CARD8: variants seen among roughly 807,000 people sequenced by gnomAD.
The protein encoded by CARD8 is caspase recruitment domain family member 8.
In CARD8, 38 loss-of-function variants were observed where a neutral mutation model predicts 53.2. The ratio of observed to expected loss-of-function variants is 0.71; its 90% CI spans 0.55 to 0.94. CARD8 has a LOEUF of 0.94. Ranked by LOEUF, CARD8 falls within the 40% of genes least tolerant of loss-of-function variation. The pLI, the probability that CARD8 is intolerant of heterozygous loss-of-function variation, is 0.00. For missense variants in CARD8, 561 were observed against 655.5 expected, an observed-to-expected ratio of 0.86 and a Z score of 1.57; for synonymous variants, 245 against 244.9, an observed-to-expected ratio of 1.00 and a Z score of 0.00.
In CARD8 at chr19:48,232,440, A is replaced by C. The variant is rs1174369927; in HGVS notation, c.391+13T>G. 1.3e-6 allele frequency: 2 copies of C among 1,534,040 alleles called. No homozygotes were observed. The highest frequency in any genetic ancestry group is 1.2e-5 in the South Asian group (1 of 84,038). On this transcript the variant is annotated intron_variant, in intron 7 of 13. Coordinates refer to ENST00000651546, the MANE Select transcript of CARD8 (RefSeq NM_001184900.3). Reference sequence around the variant, plus strand: ...CCACACGCCCTTCACTCCTCTCCCTATTAGCCCATTACCTGAATCTTGTCC... The same window carrying C: ...CCACACGCCCTTCACTCCTCTCCCTCTTAGCCCATTACCTGAATCTTGTCC...
chr19:48,241,364 T>C (rs1463457563), intron 3 of CARD8, among the ~76,000 whole-genome samples: 1 of 152,162 alleles, frequency 6.6e-6, no homozygotes, highest in Non-Finnish European at 1.5e-5. Context: ...CAAGCGATTC[T>C]CCTGCCTCAG....
Position 48,230,499 on chromosome 19 carries a change from G to C in CARD8, c.974C>G (p.Pro325Arg), listed in dbSNP as rs73573000. 14,473 of 1,614,008 alleles carry C rather than the reference G, an allele frequency of 9.0e-3. 730 individuals carry two copies. The African/African-American group carries it at 0.13, about 15-fold the overall frequency. ...ITSNTLIYYH[P>R]HPEDIKFHLY... ...GTGGAACTTAATATCTTCGGGGTGGGGGTGATAATAGATCAATGTGTTGGA... is the reference window on the plus strand; with the variant it reads ...GTGGAACTTAATATCTTCGGGGTGGCGGTGATAATAGATCAATGTGTTGGA... Residue 325 changes from proline (P) to arginine (R), a missense_variant, in exon 10 of 14, where the codon CCC (proline) becomes CGC (arginine). Pro to Arg is a moderately radical substitution (Grantham distance 103). Transcript: ENST00000651546.
chr19:48,204,055 TG>T (rs1278893241), downstream of CARD8: 1 of 405,250 alleles, frequency 2.5e-6, no homozygotes. Context: ...GGGAGAGGAG[TG>T]GGGAGGAGCT....
chr19:48,204,302 G>A, downstream of CARD8: 1 of 417,830 alleles, frequency 2.4e-6, no homozygotes, highest in South Asian at 1.7e-5. Flanking sequence ...CTAACAGCCT[G>A]GGAACTGGAG....
At position 48,221,797 on chromosome 19, in the gene CARD8, A is replaced by C. The variant is rs149003172; in HGVS notation, c.1094T>G (p.Met365Arg). Residue 365 changes from methionine (M) to arginine (R), a missense_variant, in exon 11 of 14, where the codon ATG becomes AGG. Transcript: ENST00000651546. ...ACTGGAACCAAAGTTCAGGGGTTCC[A>C]TTGGGGGCGAAGTCTGCAGGCGCAC... ...HGVRLQTSPP[M>R]EPLNFGSSYI... 2.5e-5 allele frequency: 41 copies of C among 1,610,450 alleles called. No individual in the cohort carries two copies. Among genetic ancestry groups the C allele is most frequent in the Non-Finnish European group, 2.5e-6 (3 of 1,177,456 alleles).
At chr19:48,228,204 C>G (rs1296816457) in intron 10 of CARD8, among the ~76,000 whole-genome samples, 1 of 152,196 alleles carries the variant, frequency 6.6e-6, no homozygotes, top group Non-Finnish European at 1.5e-5. Flanking sequence ...AAGCTCAGGG[C>G]TCCCACTGAT....
chr19:48,207,742 T>TTTTTTGTTTTTTTTTTTTTTTTTTTTTC (rs1555790195), downstream of CARD8, among the ~76,000 whole-genome samples: 1 of 132,442 alleles, frequency 7.6e-6, no homozygotes, highest in Non-Finnish European at 1.6e-5. Flanking sequence ...CTGTTTTTTT[T>TTTTTTGTTTTTTTTTTTTTTTTTTTTTC]TTTTTTTTTT....
chr19:48,233,377 G>A (rs1053574028), intron 6 of CARD8: 9 of 456,106 alleles, frequency 2.0e-5, no homozygotes, highest in African/African-American at 1.6e-4. Flanking sequence ...AAACTGACAC[G>A]TGGATTAGGT....
intron 11 of CARD8, among the ~76,000 whole-genome samples, chr19:48,220,142 C>T (rs546073310): frequency 6.6e-6 from 1 of 152,310 alleles, no homozygotes; most frequent in East Asian, 1.9e-4. Flanking sequence ...GACAACCAAA[C>T]TTCTGGGGAA....
At chr19:48,247,545 TAA>T (rs564992367) in intron 3 of CARD8, among the ~76,000 whole-genome samples, 10 of 152,006 alleles carry the variant, frequency 6.6e-5, no homozygotes, top group Non-Finnish European at 1.0e-4. Flanking sequence ...ACTCTTCAAG[TAA>T]AGAGTAAAAA....
chr19:48,234,666 T>C (rs2043548003), intron 5 of CARD8, 123 bp from the exon 6 acceptor site: 1 of 836,018 alleles, frequency 1.2e-6, no homozygotes, highest in African/African-American at 1.7e-5. Context: ...AGGGAAGTCA[T>C]TCCTCAGGCC....
chr19:48,253,595 A>G (rs1223942964), intron 1 of CARD8, among the ~76,000 whole-genome samples: 2 of 152,218 alleles, frequency 1.3e-5, no homozygotes, highest in Admixed American at 6.5e-5. Flanking sequence ...TTAAGATTCC[A>G]ATAAAAGAAT....
chr19:48,250,197 A>T (rs546859468), intron 1 of CARD8, among the ~76,000 whole-genome samples: 80 of 152,350 alleles, frequency 5.3e-4, no homozygotes, highest in African/African-American at 1.9e-3. Context: ...AATTGGGAAT[A>T]GATATGCCAT....
chr19:48,207,157 C>A (rs1320977533), downstream of CARD8, among the ~76,000 whole-genome samples: 3 of 118,742 alleles, frequency 2.5e-5, no homozygotes, highest in African/African-American at 9.4e-5. Flanking sequence ...GACAGAGAGA[C>A]TCTGTCTCAA....
At chr19:48,218,354 T>C (rs1046500517) in intron 12 of CARD8, among the ~76,000 whole-genome samples, 1 of 27,696 alleles carries the variant, frequency 3.6e-5, no homozygotes, top group East Asian at 5.5e-4. Flanking sequence ...TATCTTCTTC[T>C]TTTTTTTTTT....
rs2037794844 is a variant in CARD8 at position 48,210,459 on chromosome 19, T to G, written c.*1251A>C. The G allele has an allele frequency of 6.6e-6, 1 of 151,972 alleles. No individual in the cohort carries two copies. The highest frequency in any genetic ancestry group is 2.4e-5 in the African/African-American group (1 of 41,338). The allele number at this position is 151,972 out of a possible 1,614,324, so 9.4% of individuals were successfully genotyped here. ...CATAACAGATTACTCTTCTCATGAG[T>G]TTTTTAAATCTTCTGAGTGATTAAA... On this transcript the variant is annotated 3_prime_UTR_variant, in exon 14 of 14. Transcript: ENST00000651546.
chr19:48,211,112 T>C lies in CARD8; in HGVS notation c.*598A>G, dbSNP rs540082702. On this transcript the variant is annotated 3_prime_UTR_variant, in exon 14 of 14. Transcript: ENST00000651546. ...CAGGCTACACACCAGTGGGAAAATATTTTCTGCTCATGTTTGCATTTTCTC... is the reference window on the plus strand; with the variant it reads ...CAGGCTACACACCAGTGGGAAAATACTTTCTGCTCATGTTTGCATTTTCTC... The C allele has an allele frequency of 1.3e-5, 2 of 152,552 alleles. No individual in the cohort carries two copies. Among genetic ancestry groups the C allele is most frequent in the South Asian group, 4.1e-4 (2 of 4,830 alleles). The allele number at this position is 152,552 out of a possible 1,614,324, so 9.4% of individuals were successfully genotyped here.
downstream of CARD8, chr19:48,204,273 C>T (rs1213967937): frequency 2.3e-6 from 1 of 441,876 alleles, no homozygotes; most frequent in South Asian, 1.6e-5. Context: ...GGATTAGAGA[C>T]CTCGCGGGAG....
rs539741927 is a variant in CARD8 at position 48,232,125 on chromosome 19, C to G, written c.392-315G>C. On this transcript the variant is annotated intron_variant, in intron 7 of 13. Transcript: ENST00000651546. ...CTACATTTCTACTGGTCCGAAATAG[C>G]AGAAGACACTTTCTGCTGGTGAGGA... 32 of 547,116 alleles carry G rather than the reference C, an allele frequency of 5.8e-5. No individual in the cohort carries two copies. The African/African-American group carries it at 6.0e-4, about 10-fold the overall frequency. 33.9% of individuals were successfully genotyped at this position (547,116 alleles called of 1,614,324 possible).
Sources: allele counts gnomAD v4.1 joint callset (sites outside exome capture counted in the v4.1 genomes callset), GRCh38; gene constraint gnomAD v4.1.1; transcripts MANE v1.5; gene names NCBI Gene and HGNC (gene_info 2026-07-23, HGNC 2026-07-21).